The following PDE1C variants were observed in gnomAD, a reference collection of about 807,000 sequenced individuals.
PDE1C encodes the protein phosphodiesterase 1C.
Under a neutral mutation model 93.1 loss-of-function variants are expected in PDE1C, and 62 were observed. That is an observed-to-expected ratio of 0.67 (90% confidence interval 0.54 to 0.82). The LOEUF is 0.82. Among genes scored for constraint, PDE1C ranks in the 40% least tolerant of loss-of-function variants. PDE1C has a pLI of 0.00. For synonymous variants in PDE1C, 325 were observed against 310.1 expected (o/e 1.05, Z -0.50); for missense variants, 742 against 884.6 (o/e 0.84, Z 2.04).
chr7:31,895,113 C>T (rs1799113472), intron 2 of PDE1C, among the ~76,000 whole-genome samples: 2 of 152,202 alleles, frequency 1.3e-5, no homozygotes, highest in Admixed American at 6.5e-5. Flanking sequence ...CTGCATCTTC[C>T]TCAGCTCCTA....
intron 2 of PDE1C, among the ~76,000 whole-genome samples, chr7:32,207,926 T>G (rs772306106): frequency 7.9e-5 from 12 of 152,218 alleles, no homozygotes; most frequent in Non-Finnish European, 1.8e-4. Context: ...CACAGCGTGG[T>G]TGGGTCACGA....
upstream of PDE1C, among the ~76,000 whole-genome samples, chr7:32,075,179 A>G (rs908369546): frequency 6.6e-6 from 1 of 152,242 alleles, no homozygotes; most frequent in Non-Finnish European, 1.5e-5. Flanking sequence ...AAGGAAGAGT[A>G]GAAAAAGGAA....
chr7:32,186,924 T>C (rs1287223027), intron 2 of PDE1C, among the ~76,000 whole-genome samples: 1 of 152,198 alleles, frequency 6.6e-6, no homozygotes, highest in East Asian at 1.9e-4. Context: ...CCTTCATCGA[T>C]AGAAAATTAC....
intron 3 of PDE1C, among the ~76,000 whole-genome samples, chr7:32,082,231 G>T (rs931246681): frequency 6.6e-6 from 1 of 152,270 alleles, no homozygotes; most frequent in African/African-American, 2.4e-5. Flanking sequence ...GGCTCTGAGG[G>T]TCCTACGCCC....
intron 2 of PDE1C, among the ~76,000 whole-genome samples, chr7:32,032,488 G>A (rs920281710): frequency 5.9e-5 from 9 of 152,168 alleles, no homozygotes; most frequent in Admixed American, 1.3e-4. Flanking sequence ...TGCTACGAGT[G>A]TGTGGAGACA....
At chr7:32,299,149 T>G in exon 1 of PDE1C, 1 of 1,003,756 alleles carries the variant, frequency 1.0e-6, no homozygotes, top group Non-Finnish European at 1.2e-6. Context: ...CACCTTCTCC[T>G]TCCGTCTCTG....
At chr7:32,236,532 A>G (rs534702430) in intron 1 of PDE1C, among the ~76,000 whole-genome samples, 149 of 122,058 alleles carry the variant, frequency 1.2e-3, no homozygotes, top group African/African-American at 4.4e-3. Context: ...CACAGTAGTC[A>G]AAAAAAGCAC....
chr7:31,702,530 G>A, the PDE1C span, among the ~76,000 whole-genome samples: 1 of 152,170 alleles, frequency 6.6e-6, no homozygotes, highest in African/African-American at 2.4e-5. Flanking sequence ...TCTGCTATCA[G>A]ACCCCTTCAG....
At chr7:31,764,942 A>T (rs1795049053) in intron 17 of PDE1C, among the ~76,000 whole-genome samples, 1 of 152,190 alleles carries the variant, frequency 6.6e-6, no homozygotes, top group Non-Finnish European at 1.5e-5. Flanking sequence ...GGATCTACAG[A>T]TCCGAATATT....
intron 2 of PDE1C, among the ~76,000 whole-genome samples, chr7:31,966,629 T>A (rs1417211414): frequency 1.3e-5 from 2 of 152,148 alleles, no homozygotes; most frequent in Non-Finnish European, 2.9e-5. Flanking sequence ...TCTACAGAAC[T>A]CTCTACCCTA....
chr7:31,878,825 G>A (rs1233971191), intron 4 of PDE1C, among the ~76,000 whole-genome samples, 171 bp downstream of exon 4: 1 of 152,186 alleles, frequency 6.6e-6, no homozygotes, highest in Non-Finnish European at 1.5e-5. Flanking sequence ...ATGCTACAGA[G>A]ATTAAAATAG....
At chr7:31,883,817 C>A (rs2128883940) in intron 2 of PDE1C, among the ~76,000 whole-genome samples, 1 of 152,306 alleles carries the variant, frequency 6.6e-6, no homozygotes, top group South Asian at 2.1e-4. Context: ...CAGGGAGACC[C>A]AGGCTTTGTG....
At chr7:31,974,310 A>T (rs1167768694) in intron 2 of PDE1C, among the ~76,000 whole-genome samples, 1 of 152,200 alleles carries the variant, frequency 6.6e-6, no homozygotes, top group Non-Finnish European at 1.5e-5. Context: ...AATACAAAAA[A>T]ATTAGCTACA....
At chr7:31,643,774 C>A in the PDE1C span, 2 of 1,613,888 alleles carry the variant, frequency 1.2e-6, no homozygotes, top group African/African-American at 2.7e-5. Context: ...CCATGCTATA[C>A]CTGCCCACTG....
downstream of PDE1C, among the ~76,000 whole-genome samples, chr7:31,749,723 C>T (rs958358325): frequency 1.6e-4 from 23 of 146,538 alleles, no homozygotes; most frequent in African/African-American, 5.2e-4. Flanking sequence ...ATTTTGTGGT[C>T]GCTGTTGTCT....
At chr7:32,212,876 G>T (rs1377556991) in intron 1 of PDE1C, among the ~76,000 whole-genome samples, 1 of 152,148 alleles carries the variant, frequency 6.6e-6, no homozygotes, top group Non-Finnish European at 1.5e-5. Flanking sequence ...CACCGAGCAG[G>T]TTTCTTAGAA....
chr7:32,086,725 G>C (rs1263602604), intron 3 of PDE1C, among the ~76,000 whole-genome samples: 1 of 152,180 alleles, frequency 6.6e-6, no homozygotes, highest in Non-Finnish European at 1.5e-5. Context: ...TCTGATCTTT[G>C]ACAAACCTGA....
At chr7:32,161,323 G>A (rs1004505711) in intron 3 of PDE1C, among the ~76,000 whole-genome samples, 1 of 152,166 alleles carries the variant, frequency 6.6e-6, no homozygotes, top group East Asian at 1.9e-4. Flanking sequence ...ATCCAAGAGA[G>A]CACAGAGCAT....
intron 1 of PDE1C, among the ~76,000 whole-genome samples, chr7:32,375,851 T>G (rs1285227861): frequency 6.6e-6 from 1 of 152,238 alleles, no homozygotes; most frequent in Non-Finnish European, 1.5e-5. Flanking sequence ...TAATATCATT[T>G]GAACCTTAAA....
Sources: gnomAD v4.1 joint callset for allele counts (sites outside exome capture counted in the v4.1 genomes callset) on GRCh38, gnomAD v4.1.1 for gene constraint, MANE v1.5 for transcripts, NCBI Gene and HGNC (gene_info 2026-07-23, HGNC 2026-07-21) for gene names.